Variants in C10orf67 observed in about 807,000 individuals in gnomAD.
The protein encoded by C10orf67 is chromosome 10 open reading frame 67.
In C10orf67, 60 loss-of-function variants were observed where a neutral mutation model predicts 35.6. The ratio of observed to expected loss-of-function variants is 1.68; its 90% CI spans 1.37 to 2.09. The LOEUF is 2.09. C10orf67 is among the 30% of genes most tolerant of loss of function. C10orf67 has a pLI of 0.00. For missense variants in C10orf67, 474 were observed against 330.2 expected, an observed-to-expected ratio of 1.44 and a Z score of -3.38; for synonymous variants, 167 against 115.8, an observed-to-expected ratio of 1.44 and a Z score of -2.84.
chr10:23,277,050 TA>T (rs1460191566), intron 8 of C10orf67, among the ~76,000 whole-genome samples: 3 of 152,218 alleles, frequency 2.0e-5, no homozygotes, highest in Non-Finnish European at 1.5e-5. Flanking sequence ...CAAGGACCCC[TA>T]AGGTGCCCCA....
intron 10 of C10orf67, among the ~76,000 whole-genome samples, chr10:23,255,420 T>G (rs1456890377): frequency 6.6e-6 from 1 of 152,194 alleles, no homozygotes; most frequent in Non-Finnish European, 1.5e-5. Context: ...GACTGGGCTG[T>G]GAAGCCATAC....
At chr10:23,290,642 A>G (rs142673296) in intron 6 of C10orf67, among the ~76,000 whole-genome samples, 28 of 152,354 alleles carry the variant, frequency 1.8e-4, no homozygotes, top group Non-Finnish European at 3.5e-4. Flanking sequence ...TATTAAGTAT[A>G]CAAATGAAAT....
At chr10:23,210,739 C>T (rs1841286049) in intron 15 of C10orf67, among the ~76,000 whole-genome samples, 1 of 152,134 alleles carries the variant, frequency 6.6e-6, no homozygotes. Context: ...TCAGTTTTAT[C>T]AAACATATAG....
chr10:23,290,245 C>T (rs185329376), intron 6 of C10orf67, among the ~76,000 whole-genome samples: 16 of 152,238 alleles, frequency 1.1e-4, no homozygotes, highest in Non-Finnish European at 2.2e-4. Flanking sequence ...TTGGTCACAG[C>T]CAATACAAAG....
intron 2 of C10orf67, 33 bp from the exon 3 acceptor site, chr10:23,322,570 A>T: frequency 6.9e-7 from 1 of 1,447,784 alleles, no homozygotes; most frequent in Non-Finnish European, 9.5e-7. Context: ...TTAGCGAAGT[A>T]ACACAGGAAC....
At chr10:23,306,515 C>T (rs1844285719) in intron 4 of C10orf67, among the ~76,000 whole-genome samples, 1 of 145,252 alleles carries the variant, frequency 6.9e-6, no homozygotes, top group African/African-American at 2.6e-5. Context: ...GGTGACAGTG[C>T]CAGACTCCAT....
intron 1 of C10orf67, among the ~76,000 whole-genome samples, chr10:23,337,001 G>A (rs1324136373): frequency 1.3e-5 from 2 of 152,112 alleles, no homozygotes; most frequent in Admixed American, 1.3e-4. Context: ...ATGTAAAAAT[G>A]ATGAAGAAAC....
At chr10:23,337,331 C>G (rs1316458352) in intron 1 of C10orf67, among the ~76,000 whole-genome samples, 1 of 152,106 alleles carries the variant, frequency 6.6e-6, no homozygotes. Context: ...CTTAGGAGTT[C>G]GAGACCAGCC....
Position 23,246,611 on chromosome 10 carries a change from A to G in C10orf67, c.1346+3844T>C, listed in dbSNP as rs80118222. On this transcript the variant is annotated intron_variant, in intron 12 of 15. Transcript: ENST00000636213. ...TGCACTGCATAATGATGTTTGGTCA[A>G]AGATGGACTGCATATACAATGGTGG... 1.2e-3 allele frequency among the ~76,000 whole-genome samples: 180 copies of G among 152,314 alleles called. 1 individual carries two copies. Among genetic ancestry groups the G allele is most frequent in the African/African-American group, 4.1e-3 (169 of 41,568 alleles).
At chr10:23,295,064 G>A (rs1843840452) in intron 5 of C10orf67, among the ~76,000 whole-genome samples, 1 of 152,186 alleles carries the variant, frequency 6.6e-6, no homozygotes, top group African/African-American at 2.4e-5. Flanking sequence ...GCAGTCAGGA[G>A]GGGAGAGCAG....
At chr10:23,261,869 AAAGTT>A (rs1842758818) in intron 10 of C10orf67, among the ~76,000 whole-genome samples, 1 of 152,246 alleles carries the variant, frequency 6.6e-6, no homozygotes, top group Non-Finnish European at 1.5e-5. Flanking sequence ...TGAGGAAAAG[AAAGTT>A]AAGAGAGTGT....
chr10:23,211,558 G>A (rs1685815943), intron 15 of C10orf67, among the ~76,000 whole-genome samples: 1 of 151,648 alleles, frequency 6.6e-6, no homozygotes. Context: ...TTACAGACAG[G>A]ATACACAAGG....
intron 4 of C10orf67, among the ~76,000 whole-genome samples, chr10:23,311,203 C>T (rs1844480073): frequency 6.6e-6 from 1 of 152,172 alleles, no homozygotes; most frequent in South Asian, 2.1e-4. Context: ...CCAAGAGTCC[C>T]ATTTTAACAT....
intron 15 of C10orf67, among the ~76,000 whole-genome samples, chr10:23,210,606 G>A (rs1355178835): frequency 6.6e-6 from 1 of 152,082 alleles, no homozygotes; most frequent in Non-Finnish European, 1.5e-5. Flanking sequence ...TTTTAGTAGA[G>A]ACGGGGTTTC....
chr10:23,240,163 C>T lies in C10orf67; in HGVS notation c.1347-347G>A, dbSNP rs184902832. The stretch of plus-strand genomic sequence containing the variant: ...CCGTGATTGCACCACTGCACTCCAG[C>T]CTGGACGACAGAGTGAGACCCTGTC... On this transcript the variant is annotated intron_variant, in intron 12 of 15. Transcript: ENST00000636213. Among the ~76,000 whole-genome samples the T allele has an allele frequency of 7.4e-4, 113 of 152,188 alleles. 2 individuals are homozygous for T. Among genetic ancestry groups the T allele is most frequent in the Admixed American group, 2.9e-3 (45 of 15,276 alleles).
chr10:23,275,891 A>G (rs1843173554), intron 8 of C10orf67, among the ~76,000 whole-genome samples: 1 of 152,160 alleles, frequency 6.6e-6, no homozygotes, highest in African/African-American at 2.4e-5. Flanking sequence ...CCTGTAATCA[A>G]TATCAATATG....
intron 12 of C10orf67, among the ~76,000 whole-genome samples, chr10:23,247,249 C>T (rs1455159362): frequency 6.6e-6 from 1 of 152,102 alleles, no homozygotes; most frequent in Non-Finnish European, 1.5e-5. Flanking sequence ...GAGCAACTTC[C>T]ACTCCTCCAT....
intron 8 of C10orf67, among the ~76,000 whole-genome samples, chr10:23,274,759 G>A (rs1418168959): frequency 2.0e-5 from 3 of 151,968 alleles, no homozygotes; most frequent in Non-Finnish European, 2.9e-5. Context: ...CAAAGATGAC[G>A]GGATTGAGAG....
intron 15 of C10orf67, among the ~76,000 whole-genome samples, chr10:23,210,821 T>A (rs1269646317): frequency 1.3e-5 from 2 of 152,214 alleles, no homozygotes; most frequent in African/African-American, 2.4e-5. Flanking sequence ...GATTCCTTAA[T>A]GCTAGAACAT....
Sources: allele counts gnomAD v4.1 joint callset (sites outside exome capture counted in the v4.1 genomes callset), GRCh38; gene constraint gnomAD v4.1.1; transcripts MANE v1.5; gene names NCBI Gene and HGNC (gene_info 2026-07-23, HGNC 2026-07-21).